The following NBAS variants were observed in gnomAD, a reference collection of about 807,000 sequenced individuals.
NBAS encodes NBAS subunit of NRZ tethering complex, also known as NAG/BC035112 fusion.
A neutral mutation model predicts 302.5 loss-of-function variants in NBAS; 219 were observed. The observed-to-expected ratio is 0.72, with a 90% CI of 0.65 to 0.81. The LOEUF (loss-of-function observed/expected upper bound fraction) is 0.81, where lower values mean the gene tolerates loss of function less well. Among genes scored for constraint, NBAS ranks in the 30% least tolerant of loss-of-function variants. NBAS has a pLI of 0.00. For missense variants in NBAS, 2,932 were observed against 2,841.6 expected, an observed-to-expected ratio of 1.03 and a Z score of -0.72; for synonymous variants, 1,118 against 1,021.6, an observed-to-expected ratio of 1.09 and a Z score of -1.80.
At chr2:14,976,722 C>T in the NBAS span, among the ~76,000 whole-genome samples, 4 of 151,738 alleles carry the variant, frequency 2.6e-5, no homozygotes, top group African/African-American at 9.7e-5. Context: ...GCCCTAATTC[C>T]AATAACAAGC....
chr2:15,234,481 G>A, intron 46 of NBAS, 64 bp downstream of exon 46: 1 of 1,522,528 alleles, frequency 6.6e-7, no homozygotes, highest in South Asian at 1.1e-5. Flanking sequence ...CAGGATGACA[G>A]TTTAGCACCA....
intron 48 of NBAS, among the ~76,000 whole-genome samples, chr2:15,217,008 C>T (rs746692651): frequency 9.2e-5 from 14 of 152,312 alleles, no homozygotes; most frequent in Non-Finnish European, 2.1e-4. Flanking sequence ...ACTAATGTGA[C>T]CTAATTTAGG....
At chr2:15,362,893 G>A (rs528729013) in intron 32 of NBAS, among the ~76,000 whole-genome samples, 3 of 152,190 alleles carry the variant, frequency 2.0e-5, no homozygotes, top group East Asian at 3.9e-4. Context: ...GAACTTCAGG[G>A]AAGGCTTTAA....
the NBAS span, among the ~76,000 whole-genome samples, chr2:15,146,623 C>T: frequency 6.6e-6 from 1 of 152,162 alleles, no homozygotes; most frequent in South Asian, 2.1e-4. Context: ...GAAGAACGTC[C>T]CAGGCATTCA....
chr2:14,807,695 C>T, the NBAS span, among the ~76,000 whole-genome samples: 1 of 152,076 alleles, frequency 6.6e-6, no homozygotes. Flanking sequence ...CACCTAAAGG[C>T]AAAGTGATGC....
chr2:15,507,229 C>T (rs1661901107), intron 10 of NBAS, among the ~76,000 whole-genome samples: 1 of 152,182 alleles, frequency 6.6e-6, no homozygotes, highest in Non-Finnish European at 1.5e-5. Flanking sequence ...AGGACAGTTC[C>T]TCTGTCTGAA....
chr2:15,384,362 G>T (rs1009012224), intron 28 of NBAS, among the ~76,000 whole-genome samples: 1 of 152,160 alleles, frequency 6.6e-6, no homozygotes, highest in Non-Finnish European at 1.5e-5. Context: ...AACAATAAAT[G>T]AGATTAATTT....
At chr2:15,078,349 C>A in the NBAS span, among the ~76,000 whole-genome samples, 1 of 152,136 alleles carries the variant, frequency 6.6e-6, no homozygotes, top group African/African-American at 2.4e-5. Flanking sequence ...AAAGCTAGCA[C>A]AACAGAGGTC....
At chr2:15,523,537 A>G (rs1190709532) in intron 9 of NBAS, among the ~76,000 whole-genome samples, 1 of 152,190 alleles carries the variant, frequency 6.6e-6, no homozygotes, top group Non-Finnish European at 1.5e-5. Context: ...CAGGGACTTG[A>G]GCATTTGTGG....
intron 35 of NBAS, among the ~76,000 whole-genome samples, chr2:15,344,486 C>A (rs577281538): frequency 6.6e-6 from 1 of 152,198 alleles, no homozygotes; most frequent in South Asian, 2.1e-4. Context: ...CGGAAATAGA[C>A]CAATAATGAG....
chr2:15,220,944 A>C (rs1277100144), intron 47 of NBAS, among the ~76,000 whole-genome samples: 1 of 152,182 alleles, frequency 6.6e-6, no homozygotes. Flanking sequence ...TACTTGTCAA[A>C]TGCTATCTTA....
the NBAS span, among the ~76,000 whole-genome samples, chr2:14,995,071 T>C: frequency 6.6e-6 from 1 of 152,222 alleles, no homozygotes; most frequent in Non-Finnish European, 1.5e-5. Flanking sequence ...TTTTATTTTT[T>C]TATTATACTT....
At chr2:15,436,278 T>C (rs1678010741) in intron 21 of NBAS, among the ~76,000 whole-genome samples, 2 of 152,230 alleles carry the variant, frequency 1.3e-5, no homozygotes, top group African/African-American at 4.8e-5. Context: ...TAGATAACCC[T>C]TTCTGCATTT....
At chr2:15,452,705 C>G (rs183605962) in intron 21 of NBAS, among the ~76,000 whole-genome samples, 1 of 152,016 alleles carries the variant, frequency 6.6e-6, no homozygotes, top group African/African-American at 2.4e-5. Flanking sequence ...AAAATGTATT[C>G]GCTCTGAATA....
At chr2:15,390,765 T>C (rs79578127) in intron 28 of NBAS, among the ~76,000 whole-genome samples, 2,058 of 152,208 alleles carry the variant, frequency 0.014, 32 homozygotes, top group East Asian at 0.059. Flanking sequence ...TTTATAAAAA[T>C]ACAAAAATAT....
At chr2:15,170,265 C>T (rs1319663132) in intron 51 of NBAS, among the ~76,000 whole-genome samples, 1 of 152,182 alleles carries the variant, frequency 6.6e-6, no homozygotes, top group East Asian at 1.9e-4. Context: ...CAACCAAATC[C>T]TTCCCGTGTT....
the NBAS span, among the ~76,000 whole-genome samples, chr2:14,821,869 A>G: frequency 6.6e-6 from 1 of 151,896 alleles, no homozygotes; most frequent in Non-Finnish European, 1.5e-5. Context: ...AACAAAAAAA[A>G]AACAGAAAAG....
chr2:14,976,654 AG>A, the NBAS span, among the ~76,000 whole-genome samples: 1 of 152,214 alleles, frequency 6.6e-6, no homozygotes, highest in African/African-American at 2.4e-5. Context: ...ATTTGAAAAA[AG>A]TTTTTTCTAC....
intron 40 of NBAS, among the ~76,000 whole-genome samples, chr2:15,307,269 C>G (rs1217583571): frequency 1.3e-5 from 2 of 152,186 alleles, no homozygotes; most frequent in African/African-American, 2.4e-5. Context: ...ACTGCATTAT[C>G]TGAGTTTGGA....
Sources: gnomAD v4.1 joint callset for allele counts (sites outside exome capture counted in the v4.1 genomes callset) on GRCh38, gnomAD v4.1.1 for gene constraint, MANE v1.5 for transcripts, NCBI Gene and HGNC (gene_info 2026-07-23, HGNC 2026-07-21) for gene names.